GHR: variants seen among roughly 807,000 people sequenced by gnomAD.
The protein encoded by GHR is growth hormone receptor.
A neutral mutation model predicts 67.1 loss-of-function variants in GHR; 35 were observed. The observed-to-expected ratio is 0.52, with a 90% CI of 0.40 to 0.69. The LOEUF (loss-of-function observed/expected upper bound fraction) is 0.69, where lower values mean the gene tolerates loss of function less well. Among genes scored for constraint, GHR ranks in the 30% least tolerant of loss-of-function variants. The pLI is 0.00. For missense variants in GHR, 792 were observed against 764.6 expected, an observed-to-expected ratio of 1.04 and a Z score of -0.42; for synonymous variants, 272 against 269.1, an observed-to-expected ratio of 1.01 and a Z score of -0.10.
Position 42,719,305 on chromosome 5 carries a change from A to G in GHR, c.1798A>G (p.Ile600Val), listed in dbSNP as rs981771777. 1 of 1,614,186 alleles carries G rather than the reference A, an allele frequency of 6.2e-7. No homozygotes were observed. The highest frequency in any genetic ancestry group is 8.5e-7 in the Non-Finnish European group (1 of 1,180,034). Reference protein sequence around the residue: ...MPVPDYTSIHIVQSPQGLILN... With the variant: ...MPVPDYTSIHVVQSPQGLILN... ...TGTCCCAGACTATACCTCCATTCAT[A>G]TAGTACAGTCCCCACAGGGCCTCAT... Residue 600 changes from isoleucine to valine, a missense_variant, in exon 10 of 10, where the codon ATA becomes GTA. Coordinates refer to ENST00000230882, the MANE Select transcript of GHR (RefSeq NM_000163.5).
intron 1 of GHR, among the ~76,000 whole-genome samples, chr5:42,433,585 C>G (rs76495216): frequency 6.6e-6 from 1 of 151,768 alleles, no homozygotes; most frequent in African/African-American, 2.4e-5. Flanking sequence ...ATGGAACAGT[C>G]GATGACTGTA....
chr5:42,519,089 A>G (rs1280978977), intron 1 of GHR, among the ~76,000 whole-genome samples: 2 of 152,164 alleles, frequency 1.3e-5, no homozygotes, highest in Non-Finnish European at 2.9e-5. Context: ...TGTCTCTCTG[A>G]AAAGATTTCA....
chr5:42,607,751 C>T lies in GHR; in HGVS notation c.71-21287C>T, dbSNP rs571701500. ...ACAAAACAAAAGAAGAGGGCCATTC[C>T]AGTATCCAAGTAATGACAGATAGAG... On this transcript the variant is annotated intron_variant, in intron 2 of 9. Transcript: ENST00000230882. Among the ~76,000 whole-genome samples, 6 of 152,180 alleles carry T rather than the reference C, an allele frequency of 3.9e-5. No individual in the cohort carries two copies. In the East Asian group the frequency reaches 1.2e-3, roughly 29 times the overall value.
At chr5:42,718,176 C>A in intron 9 of GHR, 55 bp downstream of exon 9, 1 of 905,958 alleles carries the variant, frequency 1.1e-6, no homozygotes, top group Non-Finnish European at 1.9e-6. Flanking sequence ...CCTGAAGACT[C>A]CTGTCATATG....
chr5:42,589,211 G>C (rs1178746100), intron 2 of GHR, among the ~76,000 whole-genome samples: 1 of 152,168 alleles, frequency 6.6e-6, no homozygotes, highest in Non-Finnish European at 1.5e-5. Context: ...TAAACATTCA[G>C]TATCTCCTAC....
intron 1 of GHR, among the ~76,000 whole-genome samples, chr5:42,542,789 CT>C (rs1748573351): frequency 6.6e-6 from 1 of 152,038 alleles, no homozygotes; most frequent in South Asian, 2.1e-4. Context: ...TCAGCCACCC[CT>C]ACCCCCTCCT....
intron 2 of GHR, among the ~76,000 whole-genome samples, chr5:42,608,077 G>A (rs1466145389): frequency 6.6e-6 from 1 of 152,182 alleles, no homozygotes; most frequent in Non-Finnish European, 1.5e-5. Context: ...CTGGTAGTGT[G>A]AGCATGAGCA....
chr5:42,616,318 G>T (rs1228630811), intron 2 of GHR, among the ~76,000 whole-genome samples: 1 of 152,020 alleles, frequency 6.6e-6, no homozygotes, highest in African/African-American at 2.4e-5. Context: ...GAGATGGAGA[G>T]AAGTGAATGG....
intron 1 of GHR, among the ~76,000 whole-genome samples, chr5:42,550,912 C>A (rs919448705): frequency 6.6e-6 from 1 of 152,148 alleles, no homozygotes; most frequent in Non-Finnish European, 1.5e-5. Flanking sequence ...TGTTCTGCTG[C>A]CCAAAGCCTG....
intron 2 of GHR, among the ~76,000 whole-genome samples, chr5:42,613,788 G>T (rs1420088613): frequency 6.6e-6 from 1 of 152,092 alleles, no homozygotes; most frequent in Non-Finnish European, 1.5e-5. Context: ...GGGAACAACT[G>T]GGGTATTCGT....
At chr5:42,607,060 T>C (rs1380003198) in intron 2 of GHR, among the ~76,000 whole-genome samples, 2 of 152,166 alleles carry the variant, frequency 1.3e-5, no homozygotes, top group African/African-American at 4.8e-5. Flanking sequence ...CAAGAGCTGA[T>C]GAAGTTTTAA....
At chr5:42,582,610 G>C (rs1038911657) in intron 2 of GHR, among the ~76,000 whole-genome samples, 4 of 152,234 alleles carry the variant, frequency 2.6e-5, no homozygotes, top group Admixed American at 6.5e-5. Flanking sequence ...TGAAAGAGCT[G>C]TAACACGAAC....
At chr5:42,476,484 G>T (rs1210596059) in intron 1 of GHR, among the ~76,000 whole-genome samples, 1 of 152,178 alleles carries the variant, frequency 6.6e-6, no homozygotes, top group African/African-American at 2.4e-5. Context: ...CTTCCAAAGT[G>T]CTGGGATTAC....
intron 1 of GHR, among the ~76,000 whole-genome samples, chr5:42,564,846 G>A (rs1430331773): frequency 1.3e-5 from 2 of 152,130 alleles, no homozygotes; most frequent in Non-Finnish European, 2.9e-5. Flanking sequence ...ATAAGTCTCT[G>A]AGTAACTTGT....
chr5:42,487,836 A>G (rs1419045428), intron 1 of GHR, among the ~76,000 whole-genome samples: 3 of 152,192 alleles, frequency 2.0e-5, no homozygotes, highest in Non-Finnish European at 4.4e-5. Context: ...AAATGCTCCA[A>G]CTGTCCAAAC....
At chr5:42,524,311 G>C (rs182722801) in intron 1 of GHR, among the ~76,000 whole-genome samples, 2 of 152,178 alleles carry the variant, frequency 1.3e-5, no homozygotes, top group South Asian at 2.1e-4. Context: ...TGAGGAACTT[G>C]TTGGGAACTG....
chr5:42,474,315 AAG>A (rs777159722), intron 1 of GHR, among the ~76,000 whole-genome samples: 2 of 139,954 alleles, frequency 1.4e-5, no homozygotes, highest in Non-Finnish European at 1.6e-5. Context: ...GAAAGAAAGA[AAG>A]AAAGAAAGAA....
chr5:42,561,948 C>T (rs1049913493), intron 1 of GHR, among the ~76,000 whole-genome samples: 3 of 152,084 alleles, frequency 2.0e-5, no homozygotes, highest in Non-Finnish European at 4.4e-5. Context: ...TGAGTAGACT[C>T]CTGTACCTCT....
intron 1 of GHR, chr5:42,466,780 G>T: frequency 5.9e-6 from 4 of 680,454 alleles, no homozygotes; most frequent in Non-Finnish European, 6.7e-6. Flanking sequence ...AACTTTTAAG[G>T]ACATAGGCCT....
Sources: allele counts gnomAD v4.1 joint callset (sites outside exome capture counted in the v4.1 genomes callset), GRCh38; gene constraint gnomAD v4.1.1; transcripts MANE v1.5; gene names NCBI Gene and HGNC (gene_info 2026-07-23, HGNC 2026-07-21).